Variants in INAVA observed in about 807,000 individuals in gnomAD.
INAVA encodes the protein innate immunity activator, also known as innate immunity activator protein.
A neutral mutation model predicts 55.3 loss-of-function variants in INAVA; 32 were observed. That is an observed-to-expected ratio of 0.58 (90% CI 0.44 to 0.78). The LOEUF is 0.78. INAVA is among the 30% of genes least tolerant of loss of function. The pLI is 0.00. For synonymous variants in INAVA, 294 were observed against 329.4 expected (o/e 0.89, Z 1.16); for missense variants, 756 against 786.4 (o/e 0.96, Z 0.46).
At position 200,911,487 on chromosome 1, in the gene INAVA, GGTCGCAGCGCCTTTCCCC is replaced by G; in HGVS notation, c.996_1013del (p.Ser334_Arg339del). 6.2e-7 allele frequency: 1 copy of G among 1,613,454 alleles called. No individual in the cohort carries two copies. The highest frequency in any genetic ancestry group is 1.1e-5 in the South Asian group (1 of 91,002). On this transcript the variant is annotated inframe_deletion, in exon 9 of 10. Transcript: ENST00000413687. The stretch of plus-strand genomic sequence containing the variant: ...CTTCCGGGCGGGTCCTGAGGGCCGA[GGTCGCAGCGCCTTTCCCC>G]GCCGCCGCCCCACTCACTACACGGT...
intron 2 of INAVA, among the ~76,000 whole-genome samples, chr1:200,898,880 G>A (rs1236521058): frequency 6.6e-6 from 1 of 152,208 alleles, no homozygotes; most frequent in Non-Finnish European, 1.5e-5. Context: ...GTGGGAGGCT[G>A]AGGCAGAAGA....
rs982242559 is a variant in INAVA at position 200,901,156 on chromosome 1, C to T, written c.517C>T (p.Arg173Ter). Residue 173 changes from arginine to a stop codon, truncating the protein, a stop_gained, in exon 5 of 10, where the codon CGA becomes TGA. Coordinates refer to ENST00000413687, the MANE Select transcript of INAVA (RefSeq NM_001142569.3). LOFTEE classifies it high-confidence loss of function. ...PPPAAALPLG[R>*]ELSASDDSSL... ...TCCGGCTGCTGCTCTCCCCCTGGGC[C>T]GAGGTGAGCCGGCTGCCCTGAGGGG... 4.0e-6 allele frequency: 6 copies of T among 1,506,888 alleles called. No individual in the cohort carries two copies. Among genetic ancestry groups the T allele is most frequent in the African/African-American group, 1.4e-5 (1 of 72,414 alleles). The allele number at this position is 1,506,888 out of a possible 1,614,324, so 93.3% of individuals were successfully genotyped here.
At position 200,901,000 on chromosome 1, in the gene INAVA, C is replaced by T. The variant is rs764868195; in HGVS notation, c.361C>T (p.Arg121Trp). 57 of 1,552,462 alleles carry T rather than the reference C, an allele frequency of 3.7e-5. 1 individual carries two copies. The highest frequency in any genetic ancestry group is 4.4e-5 in the Non-Finnish European group (51 of 1,147,872). Residue 121 changes from arginine (R) to tryptophan (W), a missense_variant, in exon 5 of 10, where the codon CGG becomes TGG. This residue lies in a region of INAVA where 639 missense variants were observed against 624.3 expected (regional missense o/e 1.02). Transcript: ENST00000413687. ...GCTGCAGATCACAGAGGCAGCCCGT[C>T]GGCTGTGCCTGGAGGAGAACCTCAG... Reference protein sequence around the residue: ...LQLQITEAARRLCLEENLSRQ... With the variant: ...LQLQITEAARWLCLEENLSRQ...
rs1653243871 is a variant in INAVA at position 200,901,254 on chromosome 1, T to C, written c.520+95T>C. 19 of 1,231,828 alleles carry C rather than the reference T, an allele frequency of 1.5e-5. No individual in the cohort carries two copies. The South Asian group carries it at 2.9e-4, about 19-fold the overall frequency. The allele number at this position is 1,231,828 out of a possible 1,614,324, so 76.3% of individuals were successfully genotyped here. On this transcript the variant is annotated intron_variant, in intron 5 of 9. Transcript: ENST00000413687. ...CCGTGCCACTGCCTTTGCATTTGGC[T>C]CCAGCTGGGTAAAGCTGATTCTTGG...
chr1:200,892,262 A>G (rs1230601937), upstream of INAVA, among the ~76,000 whole-genome samples: 4 of 152,110 alleles, frequency 2.6e-5, no homozygotes, highest in Admixed American at 1.3e-4. Flanking sequence ...AGCGCTGGCC[A>G]TTGATTCCTT....
At chr1:200,895,341 T>TG (rs1278343432) in intron 1 of INAVA, among the ~76,000 whole-genome samples, 3 of 151,992 alleles carry the variant, frequency 2.0e-5, no homozygotes, top group Non-Finnish European at 4.4e-5. Context: ...GACCTGGCTT[T>TG]GGGGGACACA....
At chr1:200,893,091 A>G (rs116436840), upstream of INAVA, among the ~76,000 whole-genome samples, 1,297 of 152,306 alleles carry the variant, frequency 8.5e-3, 13 homozygotes, top group African/African-American at 0.029. Flanking sequence ...AGATTTTAAC[A>G]TCACCTTTAG....
At chr1:200,913,363 C>T (rs1653825693) in intron 9 of INAVA, among the ~76,000 whole-genome samples, 174 bp from the exon 10 acceptor site, 1 of 152,084 alleles carries the variant, frequency 6.6e-6, no homozygotes, top group African/African-American at 2.4e-5. Context: ...AAAGGGGGTC[C>T]CTGAAGAACA....
chr1:200,901,058 T>TGCTGCAGGAGGAGAAGAAGCTGCAGGA lies in INAVA; in HGVS notation c.423_449dup (p.Glu143_Gln151dup). ...GCTCGGCGGCAGCGGAAGCACTCCATGCTGCAGGAGGAGAAGAAGCTGCAG... is the reference window on the plus strand; with the variant it reads ...GCTCGGCGGCAGCGGAAGCACTCCATGCTGCAGGAGGAGAAGAAGCTGCAGGAGCTGCAGGAGGAGAAGAAGCTGCAG... On this transcript the variant is annotated inframe_insertion, in exon 5 of 10. Coordinates refer to ENST00000413687, the MANE Select transcript of INAVA (RefSeq NM_001142569.3). 1 of 1,545,042 alleles carries TGCTGCAGGAGGAGAAGAAGCTGCAGGA rather than the reference T, an allele frequency of 6.5e-7. No individual in the cohort carries two copies. Among genetic ancestry groups the TGCTGCAGGAGGAGAAGAAGCTGCAGGA allele is most frequent in the Non-Finnish European group, 8.7e-7 (1 of 1,146,564 alleles).
intron 9 of INAVA, 124 bp downstream of exon 9, chr1:200,912,261 C>A: frequency 1.0e-6 from 1 of 978,618 alleles, no homozygotes. Context: ...GCCGGGTAAT[C>A]CCCGTCTAGG....
In INAVA at chr1:200,911,886, G is replaced by A. The variant is rs1240856261; in HGVS notation, c.1393G>A (p.Gly465Ser). ...AAPGPAYEEE[G>S]TPLRYQRLVP... Reference sequence around the variant, plus strand: ...CCCGGGCCCTGCTTACGAGGAGGAGGGCACTCCCCTGCGCTACCAGCGTCT... The same window carrying A: ...CCCGGGCCCTGCTTACGAGGAGGAGAGCACTCCCCTGCGCTACCAGCGTCT... Residue 465 changes from glycine to serine, a missense_variant, in exon 9 of 10, where the codon GGC (glycine) becomes AGC (serine). Gly to Ser is a moderately conservative substitution (Grantham distance 56, BLOSUM62 0). This residue lies in a region of INAVA where 117 missense variants were observed against 162.1 expected (regional missense o/e 0.72). Transcript: ENST00000413687. The A allele has an allele frequency of 1.9e-6, 3 of 1,586,728 alleles. No homozygotes were observed. The highest frequency in any genetic ancestry group is 1.7e-5 in the Admixed American group (1 of 57,624).
chr1:200,896,038 C>T (rs897868402), intron 1 of INAVA, among the ~76,000 whole-genome samples: 2 of 152,050 alleles, frequency 1.3e-5, no homozygotes, highest in Non-Finnish European at 2.9e-5. Flanking sequence ...AGAGACTGGG[C>T]TGAGCTGGGA....
intron 9 of INAVA, 76 bp from the exon 10 acceptor site, chr1:200,913,461 G>A: frequency 3.6e-6 from 4 of 1,105,256 alleles, no homozygotes; most frequent in Non-Finnish European, 5.5e-6. Context: ...GATAAGGATG[G>A]TGTAACTGTG....
Position 200,908,838 on chromosome 1 carries a change from G to C in INAVA, c.683G>C (p.Ser228Thr), listed in dbSNP as rs777083397. 6.2e-7 allele frequency: 1 copy of C among 1,614,048 alleles called. No homozygotes were observed. Among genetic ancestry groups the C allele is most frequent in the South Asian group, 1.1e-5 (1 of 91,076 alleles). Reference sequence around the variant, plus strand: ...CAGCCAACAGGACCTGAGGCTGGGAGCCCAGAACGGGCTCCAGTCCAGAAC... The same window carrying C: ...CAGCCAACAGGACCTGAGGCTGGGACCCCAGAACGGGCTCCAGTCCAGAAC... ...GLQPTGPEAGSPERAPVQNSP... is the reference protein window; with the variant it reads ...GLQPTGPEAGTPERAPVQNSP... Residue 228 changes from serine (S) to threonine (T), a missense_variant, in exon 7 of 10, where the codon AGC (serine) becomes ACC (threonine). Physicochemically the swap from Ser to Thr is moderately conservative, Grantham distance 58. This residue lies in a region of INAVA where 639 missense variants were observed against 624.3 expected (regional missense o/e 1.02). Transcript: ENST00000413687.
At chr1:200,895,707 C>T (rs1668332767) in intron 1 of INAVA, among the ~76,000 whole-genome samples, 1 of 152,138 alleles carries the variant, frequency 6.6e-6, no homozygotes, top group Admixed American at 6.5e-5. Flanking sequence ...ATGTGAGGGT[C>T]CGCTATGTGG....
In INAVA at chr1:200,911,667, A is replaced by G. The variant is rs1176750454; in HGVS notation, c.1174A>G (p.Ile392Val). The G allele has an allele frequency of 6.2e-7, 1 of 1,613,924 alleles. No individual in the cohort carries two copies. Among genetic ancestry groups the G allele is most frequent in the South Asian group, 1.1e-5 (1 of 91,066 alleles). ...PTSPGSSSPD[I>V]SFLQPLSPPK... is the part of the protein sequence containing the mutation. ...TTCGCCGGGCAGCAGCAGCCCCGAC[A>G]TCTCCTTTCTGCAGCCTCTCTCCCC... Residue 392 changes from isoleucine to valine, a missense_variant, in exon 9 of 10, where the codon ATC (isoleucine) becomes GTC (valine). This residue lies in a region of INAVA where 639 missense variants were observed against 624.3 expected (regional missense o/e 1.02). Transcript: ENST00000413687.
At chr1:200,900,464 CAGA>C (rs1653196750) in intron 4 of INAVA, among the ~76,000 whole-genome samples, 1 of 152,210 alleles carries the variant, frequency 6.6e-6, no homozygotes, top group Non-Finnish European at 1.5e-5. Context: ...CCCCATTGGG[CAGA>C]AGATCAGTTA....
intron 6 of INAVA, 150 bp downstream of exon 6, chr1:200,908,037 C>T (rs559384244): frequency 1.0e-5 from 6 of 587,312 alleles, no homozygotes; most frequent in Admixed American, 2.8e-5. Flanking sequence ...TGTCAATTTC[C>T]GCATGTCCTT....
intron 9 of INAVA, 90 bp from the exon 10 acceptor site, chr1:200,913,447 A>G: frequency 2.1e-6 from 2 of 953,310 alleles, no homozygotes; most frequent in South Asian, 1.4e-5. Flanking sequence ...CAGTGTCCCT[A>G]AGGGATAAGG....
Sources: gnomAD v4.1 joint callset for allele counts (sites outside exome capture counted in the v4.1 genomes callset) on GRCh38, gnomAD v4.1.1 for gene constraint, gnomAD v4.1.1 regional missense constraint, MANE v1.5 for transcripts, NCBI Gene and HGNC (gene_info 2026-07-23, HGNC 2026-07-21) for gene names.